The following RREB1 variants were observed in gnomAD, a reference collection of about 807,000 sequenced individuals.
The protein encoded by RREB1 is ras-responsive element-binding protein 1.
Under a neutral mutation model 117.8 loss-of-function variants are expected in RREB1, and 27 were observed. That is an observed-to-expected ratio of 0.23 (90% CI 0.17 to 0.32). RREB1 has a LOEUF of 0.32. RREB1 is among the 10% of genes least tolerant of loss of function. The pLI, the probability that RREB1 is intolerant of heterozygous loss-of-function variation, is 1.00. For missense variants in RREB1, 2,577 were observed against 2,378.2 expected (o/e 1.08, Z -1.74); for synonymous variants, 1,298 against 1,026.7 (o/e 1.26, Z -5.05).
chr6:7,149,221 C>T (rs888520024), intron 1 of RREB1, among the ~76,000 whole-genome samples: 9 of 152,150 alleles, frequency 5.9e-5, no homozygotes, highest in African/African-American at 2.2e-4. Context: ...CCACGCCTGG[C>T]CATTTGTCTG....
intron 6 of RREB1, among the ~76,000 whole-genome samples, chr6:7,192,401 C>T (rs4960291): frequency 0.19 from 29,184 of 151,820 alleles, 3,316 homozygotes; most frequent in Middle Eastern, 0.27. Context: ...CTATGTTGGC[C>T]AGGCTGGTCT....
intron 1 of RREB1, among the ~76,000 whole-genome samples, chr6:7,138,671 G>A (rs1397826123): frequency 1.3e-5 from 2 of 152,176 alleles, no homozygotes; most frequent in Non-Finnish European, 2.9e-5. Context: ...ATTAATACCA[G>A]AAATTCACAA....
chr6:7,185,996 T>G (rs1475996074), intron 4 of RREB1, among the ~76,000 whole-genome samples: 1 of 152,214 alleles, frequency 6.6e-6, no homozygotes, highest in Non-Finnish European at 1.5e-5. Context: ...ACCCTGATGG[T>G]TCTGTATAGA....
chr6:7,232,059 T>G (rs1259678731), intron 10 of RREB1, 152 bp downstream of exon 10: 1 of 793,544 alleles, frequency 1.3e-6, no homozygotes, highest in Non-Finnish European at 1.9e-6. Flanking sequence ...GCTTGTCTGG[T>G]GGTGCTGTAT....
chr6:7,195,735 A>G (rs1038129666), intron 6 of RREB1, among the ~76,000 whole-genome samples: 2 of 152,140 alleles, frequency 1.3e-5, no homozygotes, highest in Non-Finnish European at 2.9e-5. Flanking sequence ...TCCAGAGCCG[A>G]TGCTAAGCTG....
intron 1 of RREB1, among the ~76,000 whole-genome samples, chr6:7,108,934 G>C (rs981859802): frequency 1.3e-5 from 2 of 151,626 alleles, no homozygotes; most frequent in Non-Finnish European, 2.9e-5. Context: ...GGCCCTAGCC[G>C]TGCGGGCACG....
At chr6:7,204,327 C>G (rs1200335413) in intron 6 of RREB1, among the ~76,000 whole-genome samples, 2 of 137,192 alleles carry the variant, frequency 1.5e-5, no homozygotes, top group African/African-American at 5.4e-5. Flanking sequence ...CTCTCTGTGT[C>G]TGCTCTCCAT....
At chr6:7,247,339 G>A (rs1769149447) in intron 12 of RREB1, 118 bp downstream of exon 12, 2 of 908,244 alleles carry the variant, frequency 2.2e-6, no homozygotes, top group Non-Finnish European at 3.2e-6. Flanking sequence ...TTACGTTGCC[G>A]GTGTGCCCTT....
intron 1 of RREB1, among the ~76,000 whole-genome samples, chr6:7,110,105 TA>T (rs754274690): frequency 9.2e-5 from 14 of 152,332 alleles, no homozygotes; most frequent in African/African-American, 1.9e-4. Context: ...TTATTTTTGA[TA>T]TTTTTTTTCC....
At chr6:7,209,572 C>CTTT (rs397961662) in intron 6 of RREB1, among the ~76,000 whole-genome samples, 2 of 129,326 alleles carry the variant, frequency 1.5e-5, no homozygotes, top group Non-Finnish European at 3.3e-5. Context: ...TATTTCTTTC[C>CTTT]TTTTTTTTTT....
rs1306982413 is a variant in RREB1 at position 7,231,277 on chromosome 6, G to C, written c.3178G>C (p.Glu1060Gln). The C allele has an allele frequency of 3.1e-6, 5 of 1,610,978 alleles. No individual in the cohort carries two copies. Among genetic ancestry groups the C allele is most frequent in the Non-Finnish European group, 3.4e-6 (4 of 1,178,482 alleles). ...GCTTTTGCCAAAGCCCCCCGTGACA[G>C]AAGAGCTGCCCCCGCTGGCCTCCAT... ...PLLLPKPPVT[E>Q]ELPPLASIAQ... is the part of the protein sequence containing the mutation. Residue 1060 changes from glutamate to glutamine, a missense_variant, in exon 10 of 13, where the codon GAA becomes CAA. By Grantham distance (29) the Glu-to-Gln change is conservative. Coordinates refer to ENST00000379938, the MANE Select transcript of RREB1 (RefSeq NM_001003699.4).
At chr6:7,173,353 C>T (rs983143146) in intron 1 of RREB1, among the ~76,000 whole-genome samples, 1 of 151,970 alleles carries the variant, frequency 6.6e-6, no homozygotes, top group East Asian at 1.9e-4. Flanking sequence ...CCCGTCTCTA[C>T]TAAAAATACA....
intron 1 of RREB1, among the ~76,000 whole-genome samples, chr6:7,139,594 C>T (rs532529187): frequency 2.6e-5 from 4 of 151,890 alleles, no homozygotes; most frequent in African/African-American, 7.2e-5. Flanking sequence ...AATAAATATT[C>T]GACAATATAA....
chr6:7,129,414 G>C (rs1762064509), intron 1 of RREB1, among the ~76,000 whole-genome samples: 2 of 152,236 alleles, frequency 1.3e-5, no homozygotes, highest in South Asian at 2.1e-4. Flanking sequence ...CAGTTGGCCT[G>C]CTTAGGCCTT....
Position 7,210,761 on chromosome 6 carries a change from CTTCT to C in RREB1, c.426-40_426-37del, listed in dbSNP as rs1307634699. The stretch of plus-strand genomic sequence containing the variant: ...AATATTAAAAACATAAATGAACTGA[CTTCT>C]TTGTTAGATCACATTGTGTGTGTGT... On this transcript the variant is annotated intron_variant, in intron 6 of 12. Coordinates refer to ENST00000379938, the MANE Select transcript of RREB1 (RefSeq NM_001003699.4). The C allele has an allele frequency of 3.2e-6, 5 of 1,549,462 alleles. No homozygotes were observed. In the East Asian group the frequency reaches 6.8e-5, roughly 21 times the overall value.
chr6:7,230,763 C>G lies in RREB1; in HGVS notation c.2664C>G (p.Pro888=), dbSNP rs753387864. 3 of 1,611,586 alleles carry G rather than the reference C, an allele frequency of 1.9e-6. No individual in the cohort carries two copies. The African/African-American group carries it at 4.0e-5, about 21-fold the overall frequency. Residue 888 remains proline, a synonymous_variant, in exon 10 of 13, where the codon CCC becomes CCG. Transcript: ENST00000379938. ...PPPHVSIKLE[P]ASSFAVDFNE... ...CCCATGTCTCGATCAAGTTGGAGCCCGCCAGTAGCTTTGCGGTGGACTTCA... is the reference window on the plus strand; with the variant it reads ...CCCATGTCTCGATCAAGTTGGAGCCGGCCAGTAGCTTTGCGGTGGACTTCA...
chr6:7,223,729 A>T (rs1012601283), intron 8 of RREB1, among the ~76,000 whole-genome samples: 1 of 152,216 alleles, frequency 6.6e-6, no homozygotes, highest in Non-Finnish European at 1.5e-5. Context: ...ACGTACACAC[A>T]TACACATTCT....
At chr6:7,172,111 A>G (rs949717221) in intron 1 of RREB1, among the ~76,000 whole-genome samples, 1 of 151,944 alleles carries the variant, frequency 6.6e-6, no homozygotes, top group African/African-American at 2.4e-5. Context: ...ATACCTGCCT[A>G]ATATTTAAAT....
At chr6:7,192,512 G>A (rs189275282) in intron 6 of RREB1, among the ~76,000 whole-genome samples, 5 of 152,126 alleles carry the variant, frequency 3.3e-5, no homozygotes, top group East Asian at 1.9e-4. Context: ...GTTTCTTCTT[G>A]AGTCAGTTTC....
Sources: gnomAD v4.1 joint callset for allele counts (sites outside exome capture counted in the v4.1 genomes callset) on GRCh38, gnomAD v4.1.1 for gene constraint, MANE v1.5 for transcripts, NCBI Gene and HGNC (gene_info 2026-07-23, HGNC 2026-07-21) for gene names.